IGF2BP3: variants seen among roughly 807,000 people sequenced by gnomAD.
IGF2BP3 encodes the protein insulin-like growth factor 2 mRNA-binding protein 3.
A neutral mutation model predicts 73.8 loss-of-function variants in IGF2BP3; 9 were observed. The ratio of observed to expected loss-of-function variants is 0.12; its 90% confidence interval spans 0.07 to 0.21. The LOEUF is 0.21. Among genes scored for constraint, IGF2BP3 ranks in the 10% least tolerant of loss-of-function variants. The probability of loss-of-function intolerance (pLI) is 1.00; values close to 1 mark genes in which losing one functional copy is unlikely to be tolerated. For synonymous variants in IGF2BP3, 258 were observed against 256.7 expected, an observed-to-expected ratio of 1.01 and a Z score of -0.05; for missense variants, 542 against 714.0, an observed-to-expected ratio of 0.76 and a Z score of 2.75.
chr7:23,385,841 G>T (rs369700604), intron 3 of IGF2BP3, among the ~76,000 whole-genome samples: 2 of 151,954 alleles, frequency 1.3e-5, no homozygotes, highest in Non-Finnish European at 2.9e-5. Context: ...CAAAGTGCTG[G>T]GATTACAGGC....
At chr7:23,315,219 T>C (rs751050665) in intron 12 of IGF2BP3, among the ~76,000 whole-genome samples, 20 of 152,076 alleles carry the variant, frequency 1.3e-4, no homozygotes, top group Admixed American at 5.2e-4. Flanking sequence ...GTGACTCTCC[T>C]GCCTCAGCCT....
chr7:23,312,920 C>T, intron 13 of IGF2BP3, 72 bp from the exon 14 acceptor site: 5 of 880,396 alleles, frequency 5.7e-6, no homozygotes, highest in South Asian at 4.6e-5. Flanking sequence ...TTACTGTGCG[C>T]CAGACAGTGA....
At chr7:23,387,214 A>G (rs1025535214) in intron 3 of IGF2BP3, among the ~76,000 whole-genome samples, 1 of 152,214 alleles carries the variant, frequency 6.6e-6, no homozygotes, top group African/African-American at 2.4e-5. Flanking sequence ...TTCCTCCTAG[A>G]AAGTCCATAA....
chr7:23,338,850 AAT>A (rs1253474110), intron 10 of IGF2BP3, among the ~76,000 whole-genome samples: 2 of 152,260 alleles, frequency 1.3e-5, no homozygotes, highest in Non-Finnish European at 2.9e-5. Flanking sequence ...TAAAAACAGT[AAT>A]ATATGATTTA....
intron 3 of IGF2BP3, among the ~76,000 whole-genome samples, chr7:23,408,154 G>A (rs566675986): frequency 1.3e-5 from 2 of 152,228 alleles, no homozygotes; most frequent in East Asian, 3.9e-4. Flanking sequence ...CATTTTATGT[G>A]ATGATGAAAG....
chr7:23,391,319 C>T (rs1398632314), intron 3 of IGF2BP3, among the ~76,000 whole-genome samples: 7 of 151,154 alleles, frequency 4.6e-5, no homozygotes, highest in African/African-American at 1.5e-4. Context: ...AGGCTGGTCT[C>T]GAATTCCCGA....
At position 23,347,703 on chromosome 7, in the gene IGF2BP3, C is replaced by A. The variant is rs748227548; in HGVS notation, c.715G>T (p.Ala239Ser). The change falls in exon 7 of 15, where the codon GCT (alanine) becomes TCT (serine). Residue 239 changes from alanine to serine, a missense_variant. Ala to Ser is a moderately conservative substitution (Grantham distance 99). Coordinates refer to ENST00000258729, the MANE Select transcript of IGF2BP3 (RefSeq NM_006547.3). Reference sequence around the variant, plus strand: ...AGGATAGTAATCGACTTCTCAGCAGCCCCCGCATTTTCTTTACGGTGGACA... The same window carrying A: ...AGGATAGTAATCGACTTCTCAGCAGACCCCGCATTTTCTTTACGGTGGACA... ...IDVHRKENAG[A>S]AEKSITILST... The A allele has an allele frequency of 1.7e-5, 27 of 1,613,932 alleles. No individual in the cohort carries two copies. In the African/African-American group the frequency reaches 3.6e-4, roughly 22 times the overall value.
intron 3 of IGF2BP3, among the ~76,000 whole-genome samples, chr7:23,399,929 T>C (rs934028293): frequency 6.6e-6 from 1 of 152,126 alleles, no homozygotes; most frequent in Non-Finnish European, 1.5e-5. Flanking sequence ...TTCTACACCA[T>C]CTCCCACTGA....
intron 3 of IGF2BP3, among the ~76,000 whole-genome samples, chr7:23,399,578 TC>T (rs1786594527): frequency 6.6e-6 from 1 of 152,116 alleles, no homozygotes; most frequent in Non-Finnish European, 1.5e-5. Context: ...ACTCCTGGCT[TC>T]TAGAACAAAA....
rs1205023460 is a variant in IGF2BP3, at chr7:23,346,092, G to A, written c.819-30C>T. 5 of 1,592,618 alleles carry A rather than the reference G, an allele frequency of 3.1e-6. No individual in the cohort carries two copies. The South Asian group carries it at 5.7e-5, about 18-fold the overall frequency. ...AAATAGAAAAGTGGCCATAAAATTA[G>A]AATAAGTAAACCTATTCGTGGGTAA... On this transcript the variant is annotated intron_variant, in intron 7 of 14. Coordinates refer to ENST00000258729, the MANE Select transcript of IGF2BP3 (RefSeq NM_006547.3).
chr7:23,393,048 G>C (rs1459247030), intron 3 of IGF2BP3, among the ~76,000 whole-genome samples: 2 of 152,040 alleles, frequency 1.3e-5, no homozygotes, highest in Non-Finnish European at 2.9e-5. Flanking sequence ...CTTCCTTAGG[G>C]GACACTCAGC....
At chr7:23,453,084 C>T (rs915604447) in intron 2 of IGF2BP3, among the ~76,000 whole-genome samples, 1 of 151,960 alleles carries the variant, frequency 6.6e-6, no homozygotes, top group Non-Finnish European at 1.5e-5. Flanking sequence ...GCCGAGATCG[C>T]GCCACTGCAC....
chr7:23,328,399 G>T (rs998466556), intron 10 of IGF2BP3, among the ~76,000 whole-genome samples: 1 of 152,064 alleles, frequency 6.6e-6, no homozygotes, highest in Non-Finnish European at 1.5e-5. Flanking sequence ...AGTAAAATTG[G>T]GTTTCACCAT....
intron 3 of IGF2BP3, among the ~76,000 whole-genome samples, chr7:23,388,607 CTTTTT>C (rs35723715): frequency 2.4e-5 from 3 of 124,018 alleles, no homozygotes; most frequent in South Asian, 2.6e-4. Flanking sequence ...TCTTCTCCAT[CTTTTT>C]TTTTTTTTTT....
chr7:23,449,510 G>A (rs1488112179), intron 2 of IGF2BP3, among the ~76,000 whole-genome samples: 8 of 148,442 alleles, frequency 5.4e-5, no homozygotes, highest in East Asian at 4.0e-4. Context: ...GCGAGACTCC[G>A]TCTAAAAAAA....
rs1330378561 is a variant in IGF2BP3 at position 23,311,082 on chromosome 7, C to T, written c.*1280G>A. ...ACTGATTGCACAGTATACAGAAATC[C>T]TGTTATACTTTACTACTTAAGGTGG... On this transcript the variant is annotated 3_prime_UTR_variant, in exon 15 of 15. Transcript: ENST00000258729. The T allele has an allele frequency of 6.6e-6, 1 of 151,802 alleles. No individual in the cohort carries two copies. Among genetic ancestry groups the T allele is most frequent in the Non-Finnish European group, 1.5e-5 (1 of 67,938 alleles). The allele number at this position is 151,802 out of a possible 1,614,324, so 9.4% of individuals were successfully genotyped here.
At chr7:23,343,944 T>C (rs1405043264) in intron 8 of IGF2BP3, 91 bp from the exon 9 acceptor site, 4 of 1,292,552 alleles carry the variant, frequency 3.1e-6, no homozygotes, top group Non-Finnish European at 4.3e-6. Context: ...AAAAACAAAC[T>C]GTGGAGCCTG....
chr7:23,445,410 C>T (rs1788036099), intron 2 of IGF2BP3, among the ~76,000 whole-genome samples: 1 of 151,860 alleles, frequency 6.6e-6, no homozygotes, highest in Non-Finnish European at 1.5e-5. Context: ...AGTAAAACTG[C>T]TTTTACTTAG....
At chr7:23,401,374 C>A (rs1413689342) in intron 3 of IGF2BP3, among the ~76,000 whole-genome samples, 1 of 152,152 alleles carries the variant, frequency 6.6e-6, no homozygotes, top group Non-Finnish European at 1.5e-5. Flanking sequence ...TCTGATAATC[C>A]AGGACCCTTC....
Sources: gnomAD v4.1 joint callset for allele counts (sites outside exome capture counted in the v4.1 genomes callset) on GRCh38, gnomAD v4.1.1 for gene constraint, MANE v1.5 for transcripts, NCBI Gene and HGNC (gene_info 2026-07-23, HGNC 2026-07-21) for gene names.